Variants in KCNK2 observed in about 807,000 individuals in gnomAD.
KCNK2 encodes the protein potassium two pore domain channel subfamily K member 2.
A neutral mutation model predicts 40.5 loss-of-function variants in KCNK2; 21 were observed. The observed-to-expected ratio is 0.52, with a 90% CI of 0.37 to 0.75. The LOEUF is 0.75. KCNK2 is among the 30% of genes least tolerant of loss of function. The probability of loss-of-function intolerance (pLI) is 0.00; values close to 1 mark genes in which losing one functional copy is unlikely to be tolerated. For synonymous variants in KCNK2, 191 were observed against 202.2 expected (o/e 0.94, Z 0.47); for missense variants, 399 against 531.6 (o/e 0.75, Z 2.45).
At chr1:215,049,828 G>T (rs2102498658) in intron 1 of KCNK2, among the ~76,000 whole-genome samples, 1 of 152,224 alleles carries the variant, frequency 6.6e-6, no homozygotes, top group Non-Finnish European at 1.5e-5. Context: ...TGTGGATTTA[G>T]TTGTGGGTTC....
Position 215,177,719 on chromosome 1 carries a change from TG to T in KCNK2, c.823+5537del, listed in dbSNP as rs1186491370. On this transcript the variant is annotated intron_variant, in intron 5 of 6. Coordinates refer to ENST00000444842, the MANE Select transcript of KCNK2 (RefSeq NM_001017425.3). ...TCTGCTCCACTGGCCTATATATATA[TG>T]TGTATATATATATATATATATTTTT... Among the ~76,000 whole-genome samples, 19 of 67,602 alleles carry T rather than the reference TG, an allele frequency of 2.8e-4. No individual in the cohort carries two copies. In the East Asian group the frequency reaches 6.1e-3, roughly 22 times the overall value. 44.3% of individuals were successfully genotyped at this position (67,602 alleles called of 152,430 possible).
At position 215,099,357 on chromosome 1, in the gene KCNK2, T is replaced by C. The variant is rs541554537; in HGVS notation, c.357+12679T>C. Among the ~76,000 whole-genome samples, 4 of 152,130 alleles carry C rather than the reference T, an allele frequency of 2.6e-5. No individual in the cohort carries two copies. In the South Asian group the frequency reaches 8.3e-4, roughly 31 times the overall value. On this transcript the variant is annotated intron_variant, in intron 2 of 6. Coordinates refer to ENST00000444842, the MANE Select transcript of KCNK2 (RefSeq NM_001017425.3). The stretch of plus-strand genomic sequence containing the variant: ...AAGGACACGATCTCATTCTTTTTTA[T>C]GGCTGCATGGTATTCATTGGAGTAT...
At chr1:215,211,404 G>A (rs1665740672) in intron 6 of KCNK2, among the ~76,000 whole-genome samples, 1 of 151,944 alleles carries the variant, frequency 6.6e-6, no homozygotes, top group African/African-American at 2.4e-5. Flanking sequence ...TGTCAATGGG[G>A]CCCACCTTGG....
intron 1 of KCNK2, among the ~76,000 whole-genome samples, chr1:215,007,727 C>G (rs997636487): frequency 5.3e-5 from 8 of 152,208 alleles, no homozygotes; most frequent in African/African-American, 1.9e-4. Flanking sequence ...AAACTGACCT[C>G]AACTTCAACT....
In KCNK2 at chr1:215,018,716, G is replaced by T. The variant is rs190288666; in HGVS notation, c.34+12761G>T. Among the ~76,000 whole-genome samples the T allele has an allele frequency of 3.2e-3, 486 of 152,232 alleles. 7 individuals are homozygous for T. The highest frequency in any genetic ancestry group is 0.023 in the Admixed American group (354 of 15,290). ...GGTCAAAATGAGGTTGGGGAATTAC[G>T]CATGGCCAGTCATTTCAGGATCATT... On this transcript the variant is annotated intron_variant, in intron 1 of 6. Transcript: ENST00000391895.
chr1:215,007,087 GTATATA>G (rs201749435), intron 1 of KCNK2, among the ~76,000 whole-genome samples: 4 of 120,490 alleles, frequency 3.3e-5, no homozygotes, highest in African/African-American at 6.7e-5. Context: ...ATATATGTGT[GTATATA>G]TATATGTATA....
In KCNK2 at chr1:215,236,637, T is replaced by C. The variant is rs1254516705; in HGVS notation, c.*1492T>C. On this transcript the variant is annotated 3_prime_UTR_variant, in exon 7 of 7. Coordinates refer to ENST00000444842, the MANE Select transcript of KCNK2 (RefSeq NM_001017425.3). Reference sequence around the variant, plus strand: ...TCAGTAAATGCACCCCGTAAATTGCTACCCTTTCCTTTATTTTCATACTTA... The same window carrying C: ...TCAGTAAATGCACCCCGTAAATTGCCACCCTTTCCTTTATTTTCATACTTA... The C allele has an allele frequency of 6.6e-6, 1 of 152,578 alleles. No individual in the cohort carries two copies. The highest frequency in any genetic ancestry group is 6.5e-5 in the Admixed American group (1 of 15,268). The allele number at this position is 152,578 out of a possible 1,614,324, so 9.5% of individuals were successfully genotyped here. A position where few individuals can be genotyped will look rare whatever the true frequency, so the allele number is the denominator to read the frequency against.
rs1386287625 is a variant in KCNK2, at chr1:215,083,133, C to T, written c.-253C>T. On this transcript the variant is annotated 5_prime_UTR_variant, in exon 1 of 7. Transcript: ENST00000444842. ...CGCCCAAGCCCAACTTGGCCTCCGC[C>T]TCGCCCTCTGCCCAGCCCGCCGGTG... 7 of 743,218 alleles carry T rather than the reference C, an allele frequency of 9.4e-6. No individual in the cohort carries two copies. Among genetic ancestry groups the T allele is most frequent in the African/African-American group, 1.8e-5 (1 of 55,884 alleles). The allele number at this position is 743,218 out of a possible 1,614,324, so 46.0% of individuals were successfully genotyped here.
At chr1:215,026,096 A>T (rs1440818012) in intron 1 of KCNK2, among the ~76,000 whole-genome samples, 1 of 151,978 alleles carries the variant, frequency 6.6e-6, no homozygotes, top group Non-Finnish European at 1.5e-5. Context: ...TTTCCCTGTT[A>T]GTGAATTTAA....
intron 6 of KCNK2, among the ~76,000 whole-genome samples, chr1:215,214,520 T>A (rs746396445): frequency 6.6e-6 from 1 of 152,148 alleles, no homozygotes; most frequent in Non-Finnish European, 1.5e-5. Context: ...GGTAGCTGGG[T>A]ATGTTGTCTC....
At chr1:215,175,119 GTTA>G (rs1558125418) in intron 5 of KCNK2, among the ~76,000 whole-genome samples, 1 of 152,002 alleles carries the variant, frequency 6.6e-6, no homozygotes, top group East Asian at 1.9e-4. Flanking sequence ...ATAAATAGCT[GTTA>G]TTATTTTGAG....
At chr1:215,135,184 AG>A (rs1661848036) in intron 3 of KCNK2, among the ~76,000 whole-genome samples, 1 of 152,098 alleles carries the variant, frequency 6.6e-6, no homozygotes, top group Admixed American at 6.5e-5. Flanking sequence ...ATTTTTTTAA[AG>A]GAGTGATACA....
At chr1:215,066,408 C>T (rs927085663) in intron 1 of KCNK2, among the ~76,000 whole-genome samples, 5 of 151,868 alleles carry the variant, frequency 3.3e-5, no homozygotes, top group East Asian at 3.9e-4. Context: ...GGCTACTGAA[C>T]GTAACCAAAA....
At chr1:215,176,373 G>A (rs1424292589) in intron 5 of KCNK2, among the ~76,000 whole-genome samples, 1 of 151,858 alleles carries the variant, frequency 6.6e-6, no homozygotes, top group Non-Finnish European at 1.5e-5. Context: ...TACATGTGCA[G>A]GATATGAATG....
chr1:215,085,771 G>A (rs1286261924), intron 1 of KCNK2, among the ~76,000 whole-genome samples: 2 of 152,126 alleles, frequency 1.3e-5, no homozygotes, highest in Non-Finnish European at 2.9e-5. Context: ...GACAAGATTC[G>A]ACCATCGAGT....
At chr1:215,061,757 T>A (rs1005474916) in intron 1 of KCNK2, among the ~76,000 whole-genome samples, 7 of 151,932 alleles carry the variant, frequency 4.6e-5, no homozygotes, top group Non-Finnish European at 5.9e-5. Context: ...ACATTTTTTT[T>A]TAAAAAAAAT....
chr1:215,020,169 G>A (rs1310144128), intron 1 of KCNK2, among the ~76,000 whole-genome samples: 1 of 152,074 alleles, frequency 6.6e-6, no homozygotes, highest in Non-Finnish European at 1.5e-5. Context: ...TGTTTTCAAT[G>A]GGAGCATTCT....
rs2102719999 is a variant in KCNK2 at position 215,236,057 on chromosome 1, T to TCTATCTATCTATCTATCTATC, written c.*912_*913insCTATCTATCTATCTATCTATC. 8.6e-5 allele frequency: 3 copies of TCTATCTATCTATCTATCTATC among 34,730 alleles called. No homozygotes were observed. The highest frequency in any genetic ancestry group is 2.4e-4 in the African/African-American group (3 of 12,464). 2.2% of individuals were successfully genotyped at this position (34,730 alleles called of 1,614,324 possible). On this transcript the variant is annotated 3_prime_UTR_variant, in exon 7 of 7. Transcript: ENST00000444842. Reference sequence around the variant, plus strand: ...GGCAGAAGAAGAAAATCTATCTATCTATCTATCTATCTATCTATCTATCTA... The same window carrying TCTATCTATCTATCTATCTATC: ...GGCAGAAGAAGAAAATCTATCTATCTCTATCTATCTATCTATCTATCATCTATCTATCTATCTATCTATCTA...
intron 5 of KCNK2, among the ~76,000 whole-genome samples, chr1:215,187,660 C>G (rs1036174783): frequency 6.6e-6 from 1 of 151,638 alleles, no homozygotes; most frequent in African/African-American, 2.4e-5. Flanking sequence ...TTAATATAAA[C>G]CCTTAGGGTC....
Sources: allele counts gnomAD v4.1 joint callset (sites outside exome capture counted in the v4.1 genomes callset), GRCh38; gene constraint gnomAD v4.1.1; transcripts MANE v1.5; gene names NCBI Gene and HGNC (gene_info 2026-07-23, HGNC 2026-07-21).